PPP1R13B: variants seen among roughly 807,000 people sequenced by gnomAD.
PPP1R13B encodes protein phosphatase 1 regulatory subunit 13B, also known as apoptosis-stimulating of p53 protein 1.
PPP1R13B carries 44 observed loss-of-function variants against 119.8 expected under a neutral mutation model. The observed-to-expected ratio is 0.37, with a 90% confidence interval of 0.29 to 0.47. PPP1R13B has a LOEUF of 0.47. Ranked by LOEUF, PPP1R13B falls within the 20% of genes least tolerant of loss-of-function variation. The probability of loss-of-function intolerance (pLI) is 0.99; values close to 1 mark genes in which losing one functional copy is unlikely to be tolerated. For missense variants in PPP1R13B, 1,227 were observed against 1,413.5 expected, an observed-to-expected ratio of 0.87 and a Z score of 2.12; for synonymous variants, 542 against 561.5, an observed-to-expected ratio of 0.97 and a Z score of 0.49.
intron 1 of PPP1R13B, among the ~76,000 whole-genome samples, chr14:103,801,227 C>T (rs932771227): frequency 6.6e-6 from 1 of 152,168 alleles, no homozygotes; most frequent in Non-Finnish European, 1.5e-5. Context: ...TGCCCAACAC[C>T]AGCCCTTCCC....
At chr14:103,757,530 C>G in intron 5 of PPP1R13B, 120 bp downstream of exon 5, 1 of 828,744 alleles carries the variant, frequency 1.2e-6, no homozygotes. Flanking sequence ...GCATTTAGCA[C>G]TCCTATGGCA....
intron 2 of PPP1R13B, among the ~76,000 whole-genome samples, chr14:103,794,244 C>T (rs555120933): frequency 6.6e-6 from 1 of 152,130 alleles, no homozygotes; most frequent in Non-Finnish European, 1.5e-5. Context: ...CTGGAAAGCA[C>T]TGATAATTAC....
intron 1 of PPP1R13B, among the ~76,000 whole-genome samples, chr14:103,835,047 T>G (rs2086742538): frequency 6.6e-6 from 1 of 152,202 alleles, no homozygotes; most frequent in African/African-American, 2.4e-5. Context: ...GACTGAATCT[T>G]GTTTGCTAAG....
chr14:103,848,455 G>T, upstream of PPP1R13B: 1 of 985,492 alleles, frequency 1.0e-6, no homozygotes, highest in East Asian at 1.1e-4. Flanking sequence ...GCTGCCAGGG[G>T]GGTAGGCACC....
chr14:103,754,352 G>A, intron 5 of PPP1R13B, 108 bp from the exon 6 acceptor site: 1 of 1,073,566 alleles, frequency 9.3e-7, no homozygotes, highest in South Asian at 1.6e-5. Context: ...ATCACCTGAG[G>A]TCAGGAGTTC....
At chr14:103,784,508 C>T (rs574058218) in intron 3 of PPP1R13B, among the ~76,000 whole-genome samples, 3 of 138,386 alleles carry the variant, frequency 2.2e-5, no homozygotes, top group South Asian at 2.5e-4. Context: ...CCTTGAACTC[C>T]GGAGGTGGAG....
Position 103,738,645 on chromosome 14 carries a change from A to T in PPP1R13B, c.2864+34T>A. The stretch of plus-strand genomic sequence containing the variant: ...TTTCCTTATGCAAAGCAGGGAAAGT[A>T]AATCTGTCCACCCCACACTCCTACG... On this transcript the variant is annotated intron_variant, in intron 14 of 16. Coordinates refer to ENST00000202556, the MANE Select transcript of PPP1R13B (RefSeq NM_015316.3). The surrounding 1 kb of genome is among the most constrained non-coding windows in gnomAD (Gnocchi z 5.6). 6.2e-7 allele frequency: 1 copy of T among 1,609,806 alleles called. No homozygotes were observed. Among genetic ancestry groups the T allele is most frequent in the Non-Finnish European group, 8.5e-7 (1 of 1,176,460 alleles).
Position 103,736,447 on chromosome 14 carries a change from A to C in PPP1R13B, c.3032-245T>G, listed in dbSNP as rs1595701584. Reference sequence around the variant, plus strand: ...TCCTGCAGGACAGACAGGACAAACGAGCTCCTGAGCCCCAGGGCAAGAGTG... The same window carrying C: ...TCCTGCAGGACAGACAGGACAAACGCGCTCCTGAGCCCCAGGGCAAGAGTG... On this transcript the variant is annotated intron_variant, in intron 15 of 16. Coordinates refer to ENST00000202556, the MANE Select transcript of PPP1R13B (RefSeq NM_015316.3). 7 of 576,806 alleles carry C rather than the reference A, an allele frequency of 1.2e-5. No homozygotes were observed. The East Asian group carries it at 1.7e-4, about 14-fold the overall frequency. The allele number at this position is 576,806 out of a possible 1,614,324, so 35.7% of individuals were successfully genotyped here. A position where few individuals can be genotyped will look rare whatever the true frequency, so the allele number is the denominator to read the frequency against.
At chr14:103,837,053 C>T (rs2086795032) in intron 1 of PPP1R13B, among the ~76,000 whole-genome samples, 1 of 152,208 alleles carries the variant, frequency 6.6e-6, no homozygotes, top group Admixed American at 6.5e-5. Context: ...GAAATCAACA[C>T]AGACAGAAAT....
Position 103,820,338 on chromosome 14 carries a change from CTTTTG to C in PPP1R13B, c.10-22825_10-22821del, listed in dbSNP as rs911246894. 1.2e-3 allele frequency among the ~76,000 whole-genome samples: 181 copies of C among 152,236 alleles called. 2 individuals are homozygous for C. The highest frequency in any genetic ancestry group is 4.0e-3 in the African/African-American group (168 of 41,546). The stretch of plus-strand genomic sequence containing the variant: ...GGGCCAAATTCGCAGATCACCTTTC[CTTTTG>C]TTTTATCATCTTTCTACACTGCTGC... On this transcript the variant is annotated intron_variant, in intron 1 of 16. Coordinates refer to ENST00000202556, the MANE Select transcript of PPP1R13B (RefSeq NM_015316.3).
chr14:103,838,241 C>T (rs561537796), intron 1 of PPP1R13B, among the ~76,000 whole-genome samples: 1 of 150,134 alleles, frequency 6.7e-6, no homozygotes, highest in African/African-American at 2.5e-5. Flanking sequence ...CACACACAGA[C>T]ACACACAGCT....
At chr14:103,803,440 A>G (rs1054478226) in intron 1 of PPP1R13B, among the ~76,000 whole-genome samples, 3 of 152,114 alleles carry the variant, frequency 2.0e-5, no homozygotes, top group Non-Finnish European at 4.4e-5. Context: ...ACAGGAGATC[A>G]AGACCATCCT....
At position 103,831,461 on chromosome 14, in the gene PPP1R13B, T is replaced by C. The variant is rs553362850; in HGVS notation, c.9+15838A>G. ...AGTAGCTGGCATTACAGGGCGCCTG[T>C]CACCACACCCGGCTAATTTTTGTAT... On this transcript the variant is annotated intron_variant, in intron 1 of 16. Transcript: ENST00000202556. Among the ~76,000 whole-genome samples, 3 of 150,838 alleles carry C rather than the reference T, an allele frequency of 2.0e-5. No individual in the cohort carries two copies. The South Asian group carries it at 6.3e-4, about 31-fold the overall frequency.
At chr14:103,760,036 C>G (rs2084767894) in intron 4 of PPP1R13B, among the ~76,000 whole-genome samples, 1 of 152,060 alleles carries the variant, frequency 6.6e-6, no homozygotes, top group Non-Finnish European at 1.5e-5. Context: ...TTATGTACAG[C>G]TGAATGAATT....
At chr14:103,826,163 C>G (rs867199792) in intron 1 of PPP1R13B, among the ~76,000 whole-genome samples, 3 of 152,134 alleles carry the variant, frequency 2.0e-5, no homozygotes, top group Admixed American at 6.5e-5. Flanking sequence ...AGCTGCGAGC[C>G]ACCACACTCG....
chr14:103,793,170 G>A (rs189369851), intron 2 of PPP1R13B, among the ~76,000 whole-genome samples: 1 of 150,512 alleles, frequency 6.6e-6, no homozygotes, highest in Non-Finnish European at 1.5e-5. Context: ...GAAGAGAAGG[G>A]AGAGAAGGGA....
chr14:103,814,123 TG>T (rs1441842819), intron 1 of PPP1R13B, among the ~76,000 whole-genome samples: 2 of 152,018 alleles, frequency 1.3e-5, no homozygotes, highest in Non-Finnish European at 2.9e-5. Context: ...CCAAGGCGGA[TG>T]GATCACCTGA....
chr14:103,765,666 G>A (rs191404299), intron 4 of PPP1R13B, among the ~76,000 whole-genome samples: 6 of 152,152 alleles, frequency 3.9e-5, no homozygotes, highest in East Asian at 3.9e-4. Context: ...TGCTCTTCCC[G>A]CTGCCCACAG....
intron 2 of PPP1R13B, among the ~76,000 whole-genome samples, chr14:103,792,599 T>C (rs369855994): frequency 6.6e-6 from 1 of 152,114 alleles, no homozygotes; most frequent in East Asian, 1.9e-4. Context: ...ACCCTGTCTC[T>C]ACAAAAAATA....
Sources: gnomAD v4.1 joint callset for allele counts (sites outside exome capture counted in the v4.1 genomes callset) on GRCh38, gnomAD v4.1.1 for gene constraint, Gnocchi (gnomAD v3.1) non-coding constraint, MANE v1.5 for transcripts, NCBI Gene and HGNC (gene_info 2026-07-23, HGNC 2026-07-21) for gene names.